SCPPPQ1: variants seen among roughly 807,000 people sequenced by gnomAD.
SCPPPQ1 encodes the protein secretory calcium-binding phosphoprotein proline- and glutamine-rich 1.
chr4:87,466,805 C>G, the SCPPPQ1 span, among the ~76,000 whole-genome samples: 3 of 152,060 alleles, frequency 2.0e-5, no homozygotes, highest in Admixed American at 6.6e-5. Context: ...GTGGGAGGAT[C>G]ACTTGAGCCC....
the SCPPPQ1 span, among the ~76,000 whole-genome samples, chr4:87,469,650 C>T: frequency 4.6e-5 from 7 of 152,156 alleles, no homozygotes; most frequent in African/African-American, 1.4e-4. Flanking sequence ...AAATTTCATT[C>T]TAAAGGTCGA....
At chr4:87,467,044 G>C in the SCPPPQ1 span, among the ~76,000 whole-genome samples, 1 of 152,128 alleles carries the variant, frequency 6.6e-6, no homozygotes, top group East Asian at 1.9e-4. Flanking sequence ...TGCACTTGCT[G>C]TTCCTCTGCC....
chr4:87,470,963 T>C, the SCPPPQ1 span, among the ~76,000 whole-genome samples: 3 of 152,216 alleles, frequency 2.0e-5, no homozygotes, highest in East Asian at 5.8e-4. Flanking sequence ...GTTACATTCT[T>C]TTATCTAGTG....
At chr4:87,468,489 T>C in the SCPPPQ1 span, among the ~76,000 whole-genome samples, 1 of 152,334 alleles carries the variant, frequency 6.6e-6, no homozygotes, top group African/African-American at 2.4e-5. Flanking sequence ...GCCTACTTGG[T>C]GCCCTCATAT....
the SCPPPQ1 span, among the ~76,000 whole-genome samples, chr4:87,470,714 T>G: frequency 6.6e-6 from 1 of 152,206 alleles, no homozygotes; most frequent in South Asian, 2.1e-4. Flanking sequence ...AAGACTTATC[T>G]CCAGCATTTG....
chr4:87,468,499 T>G, the SCPPPQ1 span, among the ~76,000 whole-genome samples: 1 of 152,216 alleles, frequency 6.6e-6, no homozygotes, highest in East Asian at 1.9e-4. Flanking sequence ...TGCCCTCATA[T>G]TCAGACTAGT....
At chr4:87,466,750 T>C in the SCPPPQ1 span, among the ~76,000 whole-genome samples, 1 of 152,148 alleles carries the variant, frequency 6.6e-6, no homozygotes. Context: ...GAGCTGGGCA[T>C]GGTGGTGTGC....
chr4:87,462,782 G>A, the SCPPPQ1 span, among the ~76,000 whole-genome samples: 54 of 152,236 alleles, frequency 3.5e-4, no homozygotes, highest in African/African-American at 1.3e-3. Flanking sequence ...TGGATCTCTT[G>A]AGGTCAGGAG....
chr4:87,462,651 G>A, the SCPPPQ1 span, among the ~76,000 whole-genome samples: 1 of 152,102 alleles, frequency 6.6e-6, no homozygotes, highest in African/African-American at 2.4e-5. Context: ...AGGTGTGGCA[G>A]TTTTACAGTA....
At chr4:87,468,024 T>C in the SCPPPQ1 span, among the ~76,000 whole-genome samples, 10 of 152,128 alleles carry the variant, frequency 6.6e-5, no homozygotes, top group Non-Finnish European at 1.3e-4. Flanking sequence ...TGCAAAACAA[T>C]AACAGCAACA....
the SCPPPQ1 span, among the ~76,000 whole-genome samples, chr4:87,463,542 C>CA: frequency 4.6e-5 from 7 of 151,876 alleles, no homozygotes; most frequent in African/African-American, 1.7e-4. Context: ...ACTTTGTATA[C>CA]AAAAATCTAT....
At chr4:87,461,929 G>C in the SCPPPQ1 span, 1 of 152,138 alleles carries the variant, frequency 6.6e-6, no homozygotes, top group African/African-American at 2.4e-5. Context: ...TATTGAAAAG[G>C]ATATAAATGC....
the SCPPPQ1 span, among the ~76,000 whole-genome samples, chr4:87,469,155 A>G: frequency 2.0e-5 from 3 of 152,164 alleles, no homozygotes; most frequent in South Asian, 6.2e-4. Flanking sequence ...AAAACATGAG[A>G]TGGTTTGGGG....
At chr4:87,468,323 G>C in the SCPPPQ1 span, among the ~76,000 whole-genome samples, 2 of 152,106 alleles carry the variant, frequency 1.3e-5, no homozygotes, top group Non-Finnish European at 2.9e-5. Context: ...ATCTTTGAAT[G>C]GTGTTCTTGA....
the SCPPPQ1 span, among the ~76,000 whole-genome samples, chr4:87,463,283 G>A: frequency 1.3e-5 from 2 of 148,804 alleles, no homozygotes; most frequent in Admixed American, 6.7e-5. Flanking sequence ...TTTAGTCATG[G>A]AAATAAAATC....
At chr4:87,467,291 G>A in the SCPPPQ1 span, among the ~76,000 whole-genome samples, 1 of 152,116 alleles carries the variant, frequency 6.6e-6, no homozygotes, top group Non-Finnish European at 1.5e-5. Context: ...ATAGAATAAA[G>A]GCAACTCTAT....
the SCPPPQ1 span, among the ~76,000 whole-genome samples, chr4:87,462,886 T>C: frequency 2.0e-5 from 3 of 150,448 alleles, no homozygotes; most frequent in East Asian, 5.9e-4. Flanking sequence ...TAATACCAGC[T>C]ACTAGGAAGG....
At chr4:87,465,386 G>A in the SCPPPQ1 span, among the ~76,000 whole-genome samples, 78,502 of 151,564 alleles carry the variant, frequency 0.52, 20,919 homozygotes, top group African/African-American at 0.65. Flanking sequence ...TCAATAACTA[G>A]TGGTCCCCCA....
chr4:87,465,263 G>A, the SCPPPQ1 span, among the ~76,000 whole-genome samples: 42,429 of 151,926 alleles, frequency 0.28, 7,240 homozygotes, highest in East Asian at 0.41. Context: ...TTTTTCTACT[G>A]GTTGGTCCCT....
Sources: gnomAD v4.1 joint callset for allele counts (sites outside exome capture counted in the v4.1 genomes callset) on GRCh38, gnomAD v4.1.1 for gene constraint, MANE v1.5 for transcripts, NCBI Gene and HGNC (gene_info 2026-07-23, HGNC 2026-07-21) for gene names.